The following CAMK2D variants were observed in gnomAD, a reference collection of about 807,000 sequenced individuals.
CAMK2D encodes the protein calcium/calmodulin-dependent protein kinase type II subunit delta.
CAMK2D carries 37 observed loss-of-function variants against 84.0 expected under a neutral mutation model. The ratio of observed to expected loss-of-function variants is 0.44; its 90% CI spans 0.34 to 0.58. CAMK2D has a LOEUF of 0.58. Among genes scored for constraint, CAMK2D ranks in the 20% least tolerant of loss-of-function variants. The pLI, the probability that CAMK2D is intolerant of heterozygous loss-of-function variation, is 0.02. For synonymous variants in CAMK2D, 202 were observed against 212.5 expected (o/e 0.95, Z 0.43); for missense variants, 448 against 652.5 (o/e 0.69, Z 3.41).
At chr4:113,680,675 C>A (rs1354214353) in intron 2 of CAMK2D, among the ~76,000 whole-genome samples, 1 of 152,166 alleles carries the variant, frequency 6.6e-6, no homozygotes, top group Non-Finnish European at 1.5e-5. Flanking sequence ...TAGATGAGGA[C>A]ACTGAGGCAC....
chr4:113,469,196 A>G (rs1221560981), intron 16 of CAMK2D, among the ~76,000 whole-genome samples: 1 of 152,242 alleles, frequency 6.6e-6, no homozygotes, highest in African/African-American at 2.4e-5. Flanking sequence ...TAACTACATA[A>G]TAAAACAACT....
chr4:113,627,188 T>C (rs932884773), intron 3 of CAMK2D, among the ~76,000 whole-genome samples: 2 of 152,164 alleles, frequency 1.3e-5, no homozygotes, highest in Non-Finnish European at 2.9e-5. Context: ...ATCCTATTAA[T>C]GCCATTAATG....
rs1329225023 is a variant in CAMK2D, at chr4:113,709,756, T to C, written c.161-47984A>G. ...CTAAAAGCCGTGAACGATATATATA[T>C]ATATATATATATATATATATATATA... On this transcript the variant is annotated intron_variant, in intron 2 of 20. Transcript: ENST00000511664. Among the ~76,000 whole-genome samples, 49 of 103,570 alleles carry C rather than the reference T, an allele frequency of 4.7e-4. 1 individual carries two copies. Among genetic ancestry groups the C allele is most frequent in the Middle Eastern group, 4.4e-3 (1 of 226 alleles). 67.9% of individuals were successfully genotyped at this position (103,570 alleles called of 152,430 possible). A position where few individuals can be genotyped will look rare whatever the true frequency, so the allele number is the denominator to read the frequency against.
chr4:113,555,813 T>C (rs973827293), intron 4 of CAMK2D, among the ~76,000 whole-genome samples: 16 of 152,136 alleles, frequency 1.1e-4, no homozygotes, highest in African/African-American at 3.6e-4. Flanking sequence ...AAATCCTAAC[T>C]CCCAAAGTGC....
intron 2 of CAMK2D, among the ~76,000 whole-genome samples, chr4:113,737,005 G>C (rs1395508620): frequency 6.6e-6 from 1 of 152,150 alleles, no homozygotes; most frequent in Non-Finnish European, 1.5e-5. Context: ...CTCTATTTAT[G>C]TCATAGAATA....
intron 4 of CAMK2D, among the ~76,000 whole-genome samples, chr4:113,557,778 T>C (rs1410850093): frequency 6.6e-6 from 1 of 151,964 alleles, no homozygotes; most frequent in Non-Finnish European, 1.5e-5. Context: ...TCCCCAAAAT[T>C]CCCCTGGGCA....
At chr4:113,645,919 T>C (rs2099150137) in intron 3 of CAMK2D, among the ~76,000 whole-genome samples, 1 of 152,208 alleles carries the variant, frequency 6.6e-6, no homozygotes, top group Non-Finnish European at 1.5e-5. Flanking sequence ...CAAAAGGGTC[T>C]GGGCCAAGAT....
intron 3 of CAMK2D, among the ~76,000 whole-genome samples, chr4:113,616,869 A>AT (rs1208000962): frequency 6.6e-6 from 1 of 152,184 alleles, no homozygotes; most frequent in Non-Finnish European, 1.5e-5. Flanking sequence ...TTGAAAAATA[A>AT]TTTGAGATTA....
At chr4:113,610,985 T>C (rs1350063407) in intron 3 of CAMK2D, among the ~76,000 whole-genome samples, 1 of 151,980 alleles carries the variant, frequency 6.6e-6, no homozygotes, top group Admixed American at 6.6e-5. Flanking sequence ...GCATTTACTA[T>C]AGAAGGTTTT....
intron 13 of CAMK2D, 25 bp from the exon 14 acceptor site, chr4:113,505,060 CAG>C: frequency 4.7e-6 from 7 of 1,492,944 alleles, no homozygotes; most frequent in Non-Finnish European, 6.4e-6. Context: ...AAAATAGAAA[CAG>C]AGATGCCTTA....
intron 4 of CAMK2D, among the ~76,000 whole-genome samples, chr4:113,555,695 ACT>A (rs1264377438): frequency 1.3e-5 from 2 of 152,164 alleles, no homozygotes; most frequent in African/African-American, 2.4e-5. Context: ...CATCCAACAC[ACT>A]GTCTTCCACT....
chr4:113,572,338 A>G (rs1473553802), intron 4 of CAMK2D, among the ~76,000 whole-genome samples: 1 of 152,106 alleles, frequency 6.6e-6, no homozygotes, highest in Non-Finnish European at 1.5e-5. Flanking sequence ...GACTATTTAT[A>G]AGATTTAAAA....
At chr4:113,724,302 C>T (rs1431359675) in intron 2 of CAMK2D, among the ~76,000 whole-genome samples, 7 of 151,564 alleles carry the variant, frequency 4.6e-5, no homozygotes, top group East Asian at 1.9e-4. Context: ...TTACGATTCT[C>T]GGCATATTGT....
At chr4:113,591,691 C>T (rs1457449329) in intron 4 of CAMK2D, among the ~76,000 whole-genome samples, 5 of 152,216 alleles carry the variant, frequency 3.3e-5, no homozygotes, top group Admixed American at 1.3e-4. Flanking sequence ...ACCGTGCTCT[C>T]CTTTCACCCT....
intron 5 of CAMK2D, among the ~76,000 whole-genome samples, chr4:113,551,729 T>G (rs1410503234): frequency 6.6e-6 from 1 of 152,206 alleles, no homozygotes; most frequent in Non-Finnish European, 1.5e-5. Flanking sequence ...ATCTAGGGAT[T>G]AGAGGATTTC....
At chr4:113,685,308 T>C (rs1029353407) in intron 2 of CAMK2D, among the ~76,000 whole-genome samples, 1 of 151,496 alleles carries the variant, frequency 6.6e-6, no homozygotes, top group African/African-American at 2.4e-5. Context: ...GCGCGATCTC[T>C]GCTCACTGCA....
At chr4:113,662,836 T>C (rs547759523) in intron 2 of CAMK2D, among the ~76,000 whole-genome samples, 42 of 152,144 alleles carry the variant, frequency 2.8e-4, no homozygotes, top group Non-Finnish European at 5.3e-4. Flanking sequence ...CCTAAGAGAG[T>C]TTCTGGCACT....
chr4:113,726,550 T>TTTTGTTTGTTTG (rs543292271), intron 2 of CAMK2D, among the ~76,000 whole-genome samples: 3 of 150,816 alleles, frequency 2.0e-5, no homozygotes, highest in Non-Finnish European at 2.9e-5. Flanking sequence ...CCTGGCTAAT[T>TTTTGTTTGTTTG]TTTGTTTGTT....
intron 16 of CAMK2D, among the ~76,000 whole-genome samples, chr4:113,474,749 C>A (rs1032251535): frequency 3.9e-5 from 6 of 151,928 alleles, no homozygotes; most frequent in African/African-American, 9.7e-5. Context: ...CGGGTTCAAG[C>A]GATTCTCCTG....
Sources: allele counts gnomAD v4.1 joint callset (sites outside exome capture counted in the v4.1 genomes callset), GRCh38; gene constraint gnomAD v4.1.1; transcripts MANE v1.5; gene names NCBI Gene and HGNC (gene_info 2026-07-23, HGNC 2026-07-21).